Variants in LMBRD1 observed in about 807,000 individuals in gnomAD.
LMBRD1 encodes the protein lysosomal cobalamin transport escort protein LMBD1.
A neutral mutation model predicts 74.8 loss-of-function variants in LMBRD1; 64 were observed. The ratio of observed to expected loss-of-function variants is 0.86; its 90% CI spans 0.70 to 1.05. LMBRD1 has a LOEUF of 1.05. LMBRD1 is among the 50% of genes least tolerant of loss of function. LMBRD1 has a pLI of 0.00. For missense variants in LMBRD1, 652 were observed against 645.9 expected (o/e 1.01, Z -0.10); for synonymous variants, 204 against 216.3 (o/e 0.94, Z 0.50).
chr6:69,769,743 T>C (rs1582143725), intron 3 of LMBRD1, among the ~76,000 whole-genome samples: 1 of 36,764 alleles, frequency 2.7e-5, no homozygotes, highest in African/African-American at 1.9e-4. Context: ...TTTTTTAGTG[T>C]TTTTTTTTTT....
chr6:69,688,986 A>C (rs1196428500), intron 14 of LMBRD1, among the ~76,000 whole-genome samples: 1 of 152,022 alleles, frequency 6.6e-6, no homozygotes, highest in Non-Finnish European at 1.5e-5. Context: ...GCTATTTCTT[A>C]TGTAAACTTG....
chr6:69,783,910 A>C (rs535620970), intron 2 of LMBRD1, among the ~76,000 whole-genome samples: 2 of 152,342 alleles, frequency 1.3e-5, no homozygotes, highest in South Asian at 4.1e-4. Flanking sequence ...GAAGCAAAAG[A>C]ATCATTGAAA....
intron 11 of LMBRD1, 62 bp from the exon 12 acceptor site, chr6:69,700,931 A>C: frequency 9.5e-7 from 1 of 1,051,304 alleles, no homozygotes; most frequent in Non-Finnish European, 1.3e-6. Context: ...ACAGTCATAT[A>C]AAATAAGCTA....
intron 7 of LMBRD1, among the ~76,000 whole-genome samples, chr6:69,726,584 A>G (rs1163290856): frequency 1.3e-5 from 2 of 152,230 alleles, no homozygotes; most frequent in Non-Finnish European, 2.9e-5. Flanking sequence ...AACAGCATGG[A>G]TAGAACTGGA....
intron 3 of LMBRD1, among the ~76,000 whole-genome samples, chr6:69,770,413 T>C (rs1765553755): frequency 6.6e-6 from 1 of 152,202 alleles, no homozygotes; most frequent in African/African-American, 2.4e-5. Flanking sequence ...TTGTATGTCT[T>C]TCATTGATTG....
intron 1 of LMBRD1, among the ~76,000 whole-genome samples, chr6:69,796,455 A>C (rs1164831009): frequency 2.0e-5 from 3 of 152,196 alleles, no homozygotes; most frequent in Non-Finnish European, 4.4e-5. Context: ...ACACCGTGTG[A>C]CAATGTTTTA....
intron 14 of LMBRD1, among the ~76,000 whole-genome samples, chr6:69,682,413 T>A (rs1765682966): frequency 6.6e-6 from 1 of 151,956 alleles, no homozygotes; most frequent in South Asian, 2.1e-4. Flanking sequence ...AGAACAAGTA[T>A]AATCTGTGTT....
chr6:69,779,349 T>C (rs961499645), intron 3 of LMBRD1, among the ~76,000 whole-genome samples: 1 of 151,970 alleles, frequency 6.6e-6, no homozygotes, highest in African/African-American at 2.4e-5. Context: ...ACAATTACAC[T>C]TTTTTTTATA....
chr6:69,691,378 T>G (rs908772966), intron 14 of LMBRD1, among the ~76,000 whole-genome samples: 3 of 152,202 alleles, frequency 2.0e-5, no homozygotes, highest in African/African-American at 4.8e-5. Context: ...CTAAAGTTTT[T>G]TCTTCTTTAA....
At chr6:69,736,326 A>T (rs2149867949) in intron 7 of LMBRD1, among the ~76,000 whole-genome samples, 1 of 152,254 alleles carries the variant, frequency 6.6e-6, no homozygotes, top group East Asian at 1.9e-4. Context: ...CATCCATTAT[A>T]AAAGATTCAG....
chr6:69,712,432 G>A (rs1266810395), intron 9 of LMBRD1, among the ~76,000 whole-genome samples: 3 of 107,048 alleles, frequency 2.8e-5, no homozygotes, highest in East Asian at 6.3e-4. Flanking sequence ...TACTGTCAGA[G>A]TTCCTATGTT....
intron 3 of LMBRD1, among the ~76,000 whole-genome samples, chr6:69,756,674 C>T (rs974378263): frequency 2.6e-5 from 4 of 152,088 alleles, no homozygotes; most frequent in Non-Finnish European, 4.4e-5. Flanking sequence ...GGACCTCTGC[C>T]CAGAGAAGCT....
At chr6:69,789,936 G>A (rs555228854) in intron 2 of LMBRD1, among the ~76,000 whole-genome samples, 2 of 152,292 alleles carry the variant, frequency 1.3e-5, no homozygotes, top group South Asian at 4.1e-4. Context: ...CTGACTCAAA[G>A]TACTCAATAT....
At chr6:69,681,483 C>T (rs1765658829) in intron 14 of LMBRD1, among the ~76,000 whole-genome samples, 1 of 151,782 alleles carries the variant, frequency 6.6e-6, no homozygotes, top group Admixed American at 6.6e-5. Context: ...ATAAATAATA[C>T]CTTTTATTTT....
intron 1 of LMBRD1, chr6:69,790,703 G>A: frequency 1.9e-6 from 1 of 515,550 alleles, no homozygotes; most frequent in East Asian, 3.5e-5. Flanking sequence ...ATTAATAACA[G>A]TGCTCAGCTA....
At chr6:69,795,553 A>T (rs1428649733) in intron 1 of LMBRD1, among the ~76,000 whole-genome samples, 1 of 152,226 alleles carries the variant, frequency 6.6e-6, no homozygotes, top group Non-Finnish European at 1.5e-5. Flanking sequence ...ACTTTCATAC[A>T]TTACATGCTT....
intron 14 of LMBRD1, among the ~76,000 whole-genome samples, chr6:69,678,627 C>T (rs1765595805): frequency 6.6e-6 from 1 of 151,994 alleles, no homozygotes; most frequent in Non-Finnish European, 1.5e-5. Flanking sequence ...TATTTTTATT[C>T]AAAATGGACA....
intron 2 of LMBRD1, among the ~76,000 whole-genome samples, chr6:69,781,588 T>TA (rs1348699423): frequency 9.9e-5 from 15 of 151,966 alleles, no homozygotes; most frequent in Non-Finnish European, 1.9e-4. Flanking sequence ...GCCTAAAATA[T>TA]AAAAAAAGTA....
At chr6:69,705,732 ACAGACCACTTTC>A (rs1215291089) in intron 9 of LMBRD1, 18 of 1,170,146 alleles carry the variant, frequency 1.5e-5, no homozygotes, top group Non-Finnish European at 2.1e-5. Flanking sequence ...ACCTCCAGGG[ACAGACCACTTTC>A]CAGATATACT....
Sources: gnomAD v4.1 joint callset for allele counts (sites outside exome capture counted in the v4.1 genomes callset) on GRCh38, gnomAD v4.1.1 for gene constraint, MANE v1.5 for transcripts, NCBI Gene and HGNC (gene_info 2026-07-23, HGNC 2026-07-21) for gene names.